The following DAAM1 variants were observed in gnomAD, a reference collection of about 807,000 sequenced individuals.
The protein encoded by DAAM1 is dishevelled associated activator of morphogenesis 1.
A neutral mutation model predicts 130.0 loss-of-function variants in DAAM1; 52 were observed. The observed-to-expected ratio is 0.40, with a 90% CI of 0.32 to 0.50. The LOEUF (loss-of-function observed/expected upper bound fraction) is 0.50, where lower values mean the gene tolerates loss of function less well. Among genes scored for constraint, DAAM1 ranks in the 20% least tolerant of loss-of-function variants. The pLI is 0.61. For synonymous variants in DAAM1, 452 were observed against 444.5 expected (o/e 1.02, Z -0.21); for missense variants, 1,134 against 1,303.8 (o/e 0.87, Z 2.01).
chr14:59,287,352 C>G (rs1263214600), intron 2 of DAAM1, among the ~76,000 whole-genome samples: 1 of 152,206 alleles, frequency 6.6e-6, no homozygotes, highest in African/African-American at 2.4e-5. Flanking sequence ...AAGCTGGAAG[C>G]CTTCCCTTTG....
Position 59,324,466 on chromosome 14 carries a change from T to C in DAAM1, c.989+12T>C. The C allele has an allele frequency of 6.6e-7, 1 of 1,512,560 alleles. No individual in the cohort carries two copies. Among genetic ancestry groups the C allele is most frequent in the Non-Finnish European group, 8.9e-7 (1 of 1,121,184 alleles). 93.7% of individuals were successfully genotyped at this position (1,512,560 alleles called of 1,614,324 possible). A position where few individuals can be genotyped will look rare whatever the true frequency, so the allele number is the denominator to read the frequency against. ...TCAACATTAGATAGGTAAGTCAGAC[T>C]ATTATGATGTGAGAAAGTTTCTGTG... On this transcript the variant is annotated intron_variant, in intron 8 of 24. Coordinates refer to ENST00000360909, the MANE Select transcript of DAAM1 (RefSeq NM_001270520.2).
chr14:59,352,498 A>G, intron 17 of DAAM1, 28 bp from the exon 18 acceptor site: 1 of 1,553,454 alleles, frequency 6.4e-7, no homozygotes, highest in Non-Finnish European at 8.8e-7. Context: ...GATAAACCTC[A>G]GTTTTAATAT....
At chr14:59,201,148 G>A (rs1888090925) in intron 1 of DAAM1, among the ~76,000 whole-genome samples, 1 of 121,032 alleles carries the variant, frequency 8.3e-6, no homozygotes. Context: ...GCGACAGAGT[G>A]AGACTCCGTC....
intron 1 of DAAM1, among the ~76,000 whole-genome samples, chr14:59,221,783 C>G (rs1888780654): frequency 6.6e-6 from 1 of 152,226 alleles, no homozygotes; most frequent in African/African-American, 2.4e-5. Context: ...GGCCTGATGT[C>G]CTTAACTTGC....
At chr14:59,289,776 A>ATATATATATATG (rs1555360757) in intron 2 of DAAM1, among the ~76,000 whole-genome samples, 1 of 143,448 alleles carries the variant, frequency 7.0e-6, no homozygotes, top group Admixed American at 6.9e-5. Flanking sequence ...TGATATATAT[A>ATATATATATATG]TATATATAAT....
rs28469560 is a variant in DAAM1, at chr14:59,362,019, C to T, written c.2694+1157C>T. ...TTAAGGAGCATGTGAGGTTTTTTTC[C>T]TTTTTTTTTTTTTTTAATGTAGGGA... On this transcript the variant is annotated intron_variant, in intron 22 of 24. Transcript: ENST00000360909. Among the ~76,000 whole-genome samples, 41 of 121,704 alleles carry T rather than the reference C, an allele frequency of 3.4e-4. 1 individual carries two copies. Among genetic ancestry groups the T allele is most frequent in the Admixed American group, 9.6e-4 (11 of 11,472 alleles). The allele number at this position is 121,704 out of a possible 152,430, so 79.8% of individuals were successfully genotyped here. A position where few individuals can be genotyped will look rare whatever the true frequency, so the allele number is the denominator to read the frequency against.
rs542603106 is a variant in DAAM1 at position 59,343,583 on chromosome 14, C to T, written c.2075+3403C>T. On this transcript the variant is annotated intron_variant, in intron 16 of 24. Transcript: ENST00000360909. ...AGTTCACCACAGTGAAAGCCTGTGGCGTATTCCATGGGCTGTATTTTAATG... is the reference window on the plus strand; with the variant it reads ...AGTTCACCACAGTGAAAGCCTGTGGTGTATTCCATGGGCTGTATTTTAATG... Among the ~76,000 whole-genome samples, 4 of 152,296 alleles carry T rather than the reference C, an allele frequency of 2.6e-5. No homozygotes were observed. In the East Asian group the frequency reaches 5.8e-4, roughly 22 times the overall value.
chr14:59,288,832 GGAGA>G (rs58762540), intron 2 of DAAM1, among the ~76,000 whole-genome samples: 33,423 of 143,918 alleles, frequency 0.23, 4,543 homozygotes, highest in East Asian at 0.35. Context: ...TGTGATAGCA[GGAGA>G]GAGAGAGAGA....
At chr14:59,313,971 C>T (rs1350935595) in intron 3 of DAAM1, among the ~76,000 whole-genome samples, 1 of 152,202 alleles carries the variant, frequency 6.6e-6, no homozygotes, top group East Asian at 1.9e-4. Flanking sequence ...TTACTGCCAG[C>T]TTTTAAGGCA....
At chr14:59,319,997 G>C (rs756186438) in intron 4 of DAAM1, among the ~76,000 whole-genome samples, 5 of 151,944 alleles carry the variant, frequency 3.3e-5, no homozygotes, top group African/African-American at 7.3e-5. Context: ...TAGAAGTTAC[G>C]CATTTACTCT....
intron 15 of DAAM1, among the ~76,000 whole-genome samples, chr14:59,334,001 A>G (rs568261749): frequency 6.6e-6 from 1 of 152,354 alleles, no homozygotes; most frequent in Admixed American, 6.5e-5. Flanking sequence ...TTTCAGTTAT[A>G]CTTAACACTA....
Position 59,226,496 on chromosome 14 carries a change from C to T in DAAM1, c.-37-36945C>T, listed in dbSNP as rs768586900. Among the ~76,000 whole-genome samples the T allele has an allele frequency of 5.0e-4, 76 of 152,274 alleles. 1 individual carries two copies. The highest frequency in any genetic ancestry group is 1.6e-3 in the Admixed American group (25 of 15,286). ...TTCCAGGAAGAAAGTCAATTTCTCA[C>T]ATCTTAGGTCTGCTCAGCATCACAT... On this transcript the variant is annotated intron_variant, in intron 1 of 24. Transcript: ENST00000360909.
chr14:59,189,341 T>C (rs1887655526), intron 1 of DAAM1, among the ~76,000 whole-genome samples: 1 of 152,190 alleles, frequency 6.6e-6, no homozygotes, highest in Non-Finnish European at 1.5e-5. Flanking sequence ...ACGGAGCGCC[T>C]GTAATTCAGA....
At chr14:59,296,062 G>A (rs1883944221) in intron 3 of DAAM1, among the ~76,000 whole-genome samples, 1 of 152,174 alleles carries the variant, frequency 6.6e-6, no homozygotes, top group Non-Finnish European at 1.5e-5. Context: ...CCAGTGATGG[G>A]TTCAAACTGG....
At chr14:59,332,845 T>C (rs1183255132) in intron 15 of DAAM1, among the ~76,000 whole-genome samples, 3 of 152,128 alleles carry the variant, frequency 2.0e-5, no homozygotes, top group Admixed American at 2.0e-4. Context: ...AGAGCAGAGT[T>C]CATCCTAAAC....
intron 16 of DAAM1, among the ~76,000 whole-genome samples, chr14:59,343,109 A>G (rs1347674580): frequency 6.6e-6 from 1 of 152,184 alleles, no homozygotes; most frequent in Non-Finnish European, 1.5e-5. Context: ...TCCTCCTAGG[A>G]TGTGTGCAGC....
chr14:59,325,601 A>G (rs1164241143), intron 8 of DAAM1, 63 bp from the exon 9 acceptor site: 3 of 1,380,990 alleles, frequency 2.2e-6, no homozygotes, highest in Non-Finnish European at 3.1e-6. Flanking sequence ...TAATGTCCTC[A>G]GTCTTATGCA....
chr14:59,247,908 T>C (rs1881463937), intron 1 of DAAM1, among the ~76,000 whole-genome samples: 1 of 152,212 alleles, frequency 6.6e-6, no homozygotes, highest in African/African-American at 2.4e-5. Flanking sequence ...TTTAATATTG[T>C]TACTCCTTTA....
chr14:59,303,314 T>C (rs1440432329), intron 3 of DAAM1, among the ~76,000 whole-genome samples: 2 of 152,188 alleles, frequency 1.3e-5, no homozygotes, highest in Non-Finnish European at 2.9e-5. Context: ...GAGTAAATAG[T>C]CTCTGATGTG....
Sources: gnomAD v4.1 joint callset for allele counts (sites outside exome capture counted in the v4.1 genomes callset) on GRCh38, gnomAD v4.1.1 for gene constraint, MANE v1.5 for transcripts, NCBI Gene and HGNC (gene_info 2026-07-23, HGNC 2026-07-21) for gene names.